GABBR2: variants seen among roughly 807,000 people sequenced by gnomAD.
GABBR2 encodes G-protein coupled receptor 51.
Under a neutral mutation model 105.6 loss-of-function variants are expected in GABBR2, and 23 were observed. The observed-to-expected ratio is 0.22, with a 90% CI of 0.16 to 0.31. GABBR2 has a LOEUF of 0.31. GABBR2 is among the 10% of genes least tolerant of loss of function. GABBR2 has a pLI of 1.00. For missense variants in GABBR2, 734 were observed against 1,245.5 expected (o/e 0.59, Z 6.18); for synonymous variants, 478 against 499.7 (o/e 0.96, Z 0.58).
chr9:98,392,518 C>T (rs544602394), intron 9 of GABBR2, among the ~76,000 whole-genome samples: 108 of 152,246 alleles, frequency 7.1e-4, no homozygotes, highest in African/African-American at 2.1e-3. Flanking sequence ...AGTGTGGAGA[C>T]CATTCTGGTT....
chr9:98,578,061 T>C lies in GABBR2; in HGVS notation c.333A>G (p.Ala111=). 3 of 1,613,926 alleles carry C rather than the reference T, an allele frequency of 1.9e-6. No homozygotes were observed. Among genetic ancestry groups the C allele is most frequent in the East Asian group, 4.5e-5 (2 of 44,894 alleles). The change falls in exon 2 of 19, where the codon GCA becomes GCG. Residue 111 remains alanine, a synonymous_variant. Coordinates refer to ENST00000259455, the MANE Select transcript of GABBR2 (RefSeq NM_005458.8). ...CATCGTAGAAGGCTTTCAACCCTTT[T>C]GCGTTGTCGCACTGGGAAGCAACAC... is the stretch of plus-strand genomic sequence containing the variant. ...LRLYDTECDN[A]KGLKAFYDAI...
At chr9:98,635,085 G>A (rs1454820528) in intron 1 of GABBR2, among the ~76,000 whole-genome samples, 1 of 152,184 alleles carries the variant, frequency 6.6e-6, no homozygotes, top group African/African-American at 2.4e-5. Context: ...TTCCTTTAAG[G>A]AATAATGTAA....
chr9:98,474,836 T>C (rs1190041814), intron 5 of GABBR2, among the ~76,000 whole-genome samples: 5 of 152,116 alleles, frequency 3.3e-5, no homozygotes. Flanking sequence ...CCATCAATTC[T>C]AACAGTCAGA....
intron 3 of GABBR2, among the ~76,000 whole-genome samples, chr9:98,515,147 G>C (rs1175108061): frequency 6.6e-6 from 1 of 152,212 alleles, no homozygotes; most frequent in African/African-American, 2.4e-5. Context: ...GGGTTGCACA[G>C]GCTGTAGAAG....
rs376471396 is a variant in GABBR2, at chr9:98,589,883, T to C, written c.322-11811A>G. Among the ~76,000 whole-genome samples the C allele has an allele frequency of 4.7e-4, 72 of 152,176 alleles. 3 individuals carry two copies. In the South Asian group the frequency reaches 0.015, roughly 31 times the overall value. On this transcript the variant is annotated intron_variant, in intron 1 of 18. Transcript: ENST00000259455. The stretch of plus-strand genomic sequence containing the variant: ...GTGCACACCACCACCACCACACTAA[T>C]TTTTTAATTTTTTGTAGAGACATGT...
At chr9:98,425,894 G>A (rs1825677144) in intron 7 of GABBR2, among the ~76,000 whole-genome samples, 1 of 152,208 alleles carries the variant, frequency 6.6e-6, no homozygotes, top group Non-Finnish European at 1.5e-5. Flanking sequence ...GGCAGGTCCG[G>A]GAAGGCTTCA....
At chr9:98,600,847 G>A (rs1327922768) in intron 1 of GABBR2, among the ~76,000 whole-genome samples, 2 of 152,188 alleles carry the variant, frequency 1.3e-5, no homozygotes, top group African/African-American at 4.8e-5. Context: ...ACTGTGGCAG[G>A]TGACTCTGCT....
intron 13 of GABBR2, among the ~76,000 whole-genome samples, chr9:98,318,008 GA>G (rs1830748831): frequency 6.6e-6 from 1 of 152,208 alleles, no homozygotes; most frequent in Non-Finnish European, 1.5e-5. Flanking sequence ...CCAGCCATGT[GA>G]AAAGCTAGGG....
chr9:98,411,321 G>C (rs1832587507), intron 7 of GABBR2, among the ~76,000 whole-genome samples: 1 of 152,174 alleles, frequency 6.6e-6, no homozygotes, highest in Admixed American at 6.5e-5. Flanking sequence ...CTAAGTTTTG[G>C]CGTTTGCCAA....
At chr9:98,502,930 A>C (rs1231552671) in intron 3 of GABBR2, among the ~76,000 whole-genome samples, 1 of 151,786 alleles carries the variant, frequency 6.6e-6, no homozygotes, top group Non-Finnish European at 1.5e-5. Flanking sequence ...TTATTCACCC[A>C]CTCATTCATT....
At chr9:98,346,706 C>T (rs774212621) in intron 13 of GABBR2, among the ~76,000 whole-genome samples, 5 of 152,114 alleles carry the variant, frequency 3.3e-5, no homozygotes, top group Admixed American at 6.5e-5. Flanking sequence ...TATTTGTTAA[C>T]CAACCTCTCC....
intron 1 of GABBR2, among the ~76,000 whole-genome samples, chr9:98,627,130 C>T (rs1829748707): frequency 6.6e-6 from 1 of 152,138 alleles, no homozygotes; most frequent in African/African-American, 2.4e-5. Flanking sequence ...CGGAGGCCAG[C>T]CTCAGCCACT....
At chr9:98,359,458 C>T (rs1307548995) in intron 13 of GABBR2, among the ~76,000 whole-genome samples, 1 of 152,004 alleles carries the variant, frequency 6.6e-6, no homozygotes, top group Non-Finnish European at 1.5e-5. Context: ...TAAAATAAAT[C>T]GATCAATATT....
At chr9:98,305,543 G>A (rs1830537519) in intron 15 of GABBR2, among the ~76,000 whole-genome samples, 1 of 152,258 alleles carries the variant, frequency 6.6e-6, no homozygotes, top group Non-Finnish European at 1.5e-5. Context: ...GGCTGGGCGA[G>A]GTGGCTCATG....
At position 98,583,292 on chromosome 9, in the gene GABBR2, T is replaced by C. The variant is rs139506173; in HGVS notation, c.322-5220A>G. Among the ~76,000 whole-genome samples, 994 of 152,338 alleles carry C rather than the reference T, an allele frequency of 6.5e-3. 6 individuals are homozygous for C. Among genetic ancestry groups the C allele is most frequent in the African/African-American group, 0.023 (955 of 41,578 alleles). Reference sequence around the variant, plus strand: ...TACCTGACATGATTCGCGTCCCAAATAGATGGACTTTCCAGCTCACCAAAG... The same window carrying C: ...TACCTGACATGATTCGCGTCCCAAACAGATGGACTTTCCAGCTCACCAAAG... On this transcript the variant is annotated intron_variant, in intron 1 of 18. Transcript: ENST00000259455.
intron 3 of GABBR2, among the ~76,000 whole-genome samples, chr9:98,532,656 C>T (rs571384993): frequency 6.6e-6 from 1 of 152,306 alleles, no homozygotes; most frequent in Admixed American, 6.5e-5. Context: ...GTGGTTCTCA[C>T]ACTCTAGCTG....
intron 1 of GABBR2, among the ~76,000 whole-genome samples, chr9:98,578,601 C>T (rs1828954194): frequency 6.6e-6 from 1 of 152,124 alleles, no homozygotes; most frequent in Non-Finnish European, 1.5e-5. Flanking sequence ...AGCAATTCCA[C>T]CTCTAGACGT....
chr9:98,395,439 G>C (rs1832269420), intron 8 of GABBR2, among the ~76,000 whole-genome samples: 1 of 152,016 alleles, frequency 6.6e-6, no homozygotes, highest in Non-Finnish European at 1.5e-5. Context: ...AGGAGTCATC[G>C]GCATGGAAGA....
intron 9 of GABBR2, among the ~76,000 whole-genome samples, chr9:98,390,143 G>C (rs1020534149): frequency 1.3e-5 from 2 of 152,180 alleles, no homozygotes; most frequent in Non-Finnish European, 2.9e-5. Flanking sequence ...GGGAGGCCAA[G>C]GCGGGTGGAT....
Sources: allele counts gnomAD v4.1 joint callset (sites outside exome capture counted in the v4.1 genomes callset), GRCh38; gene constraint gnomAD v4.1.1; transcripts MANE v1.5; gene names NCBI Gene and HGNC (gene_info 2026-07-23, HGNC 2026-07-21).